WDR70: variants seen among roughly 807,000 people sequenced by gnomAD.
WDR70 encodes the protein WD repeat domain 70, also known as WD repeat-containing protein 70.
WDR70 carries 53 observed loss-of-function variants against 88.6 expected under a neutral mutation model. That is an observed-to-expected ratio of 0.60 (90% confidence interval 0.48 to 0.75). The LOEUF (loss-of-function observed/expected upper bound fraction) is 0.75. WDR70 is among the 30% of genes least tolerant of loss of function. WDR70 has a pLI of 0.00. For synonymous variants in WDR70, 280 were observed against 270.0 expected, an observed-to-expected ratio of 1.04 and a Z score of -0.36; for missense variants, 610 against 823.2, an observed-to-expected ratio of 0.74 and a Z score of 3.17.
chr5:37,658,788 A>G (rs1745624153), intron 10 of WDR70, among the ~76,000 whole-genome samples: 1 of 152,194 alleles, frequency 6.6e-6, no homozygotes, highest in Non-Finnish European at 1.5e-5. Context: ...CAGATTTTTG[A>G]CAAGAATGAT....
At chr5:37,386,474 G>T (rs911468440) in intron 3 of WDR70, among the ~76,000 whole-genome samples, 1 of 152,012 alleles carries the variant, frequency 6.6e-6, no homozygotes, top group African/African-American at 2.4e-5. Context: ...TTATAGGCAC[G>T]TGCCACCACC....
intron 10 of WDR70, among the ~76,000 whole-genome samples, chr5:37,613,284 C>A (rs1446964395): frequency 1.3e-5 from 2 of 152,142 alleles, no homozygotes; most frequent in African/African-American, 4.8e-5. Flanking sequence ...ATGCTTCCTC[C>A]TGAAACCTCA....
intron 3 of WDR70, among the ~76,000 whole-genome samples, chr5:37,389,007 C>T (rs1256002618): frequency 6.6e-6 from 1 of 151,580 alleles, no homozygotes; most frequent in African/African-American, 2.4e-5. Context: ...GCCTAGAGTA[C>T]AAATGCTGCT....
intron 10 of WDR70, among the ~76,000 whole-genome samples, chr5:37,639,518 CT>C (rs1429375277): frequency 2.0e-5 from 3 of 151,962 alleles, no homozygotes; most frequent in African/African-American, 7.3e-5. Flanking sequence ...ATCTTAATTC[CT>C]TTGTTGTTGT....
chr5:37,563,264 C>T (rs1452331823), intron 9 of WDR70, among the ~76,000 whole-genome samples: 5 of 64,558 alleles, frequency 7.7e-5, no homozygotes, highest in African/African-American at 2.4e-4. Flanking sequence ...GCAGAGGCGC[C>T]CCTCACTTTC....
At chr5:37,570,118 C>T (rs1423324766) in intron 9 of WDR70, among the ~76,000 whole-genome samples, 3 of 151,908 alleles carry the variant, frequency 2.0e-5, no homozygotes, top group South Asian at 2.1e-4. Context: ...ATACTAGAGG[C>T]GATGGGACCA....
At chr5:37,520,675 T>A (rs1370678574) in intron 9 of WDR70, among the ~76,000 whole-genome samples, 1 of 152,226 alleles carries the variant, frequency 6.6e-6, no homozygotes, top group Non-Finnish European at 1.5e-5. Flanking sequence ...AATGAAAGGT[T>A]AAAATCATGT....
At chr5:37,466,218 T>C (rs543578055) in intron 7 of WDR70, among the ~76,000 whole-genome samples, 43 of 152,284 alleles carry the variant, frequency 2.8e-4, no homozygotes, top group African/African-American at 9.4e-4. Flanking sequence ...ATAGCTTTCA[T>C]TAGGTTTTCT....
intron 9 of WDR70, among the ~76,000 whole-genome samples, chr5:37,521,178 A>C (rs1303647609): frequency 2.6e-5 from 4 of 152,368 alleles, no homozygotes; most frequent in African/African-American, 9.6e-5. Context: ...TTTAACTTTT[A>C]TGAGCACTAC....
chr5:37,388,393 G>T (rs1269109821), intron 3 of WDR70, among the ~76,000 whole-genome samples: 2 of 149,966 alleles, frequency 1.3e-5, no homozygotes, highest in Non-Finnish European at 3.0e-5. Context: ...TGGGATTACA[G>T]GCGTGAGCCA....
intron 8 of WDR70, among the ~76,000 whole-genome samples, chr5:37,496,106 T>C (rs996027566): frequency 6.6e-6 from 1 of 152,230 alleles, no homozygotes; most frequent in Non-Finnish European, 1.5e-5. Flanking sequence ...ATCAGCACTC[T>C]GTGTCTAACT....
intron 8 of WDR70, among the ~76,000 whole-genome samples, chr5:37,503,558 T>G (rs1442918244): frequency 6.6e-6 from 1 of 152,228 alleles, no homozygotes; most frequent in Non-Finnish European, 1.5e-5. Context: ...CTAAGGATAA[T>G]GGCCTCCAGC....
chr5:37,751,790 G>A (rs1327447809), intron 17 of WDR70, among the ~76,000 whole-genome samples: 1 of 152,192 alleles, frequency 6.6e-6, no homozygotes, highest in Non-Finnish European at 1.5e-5. Flanking sequence ...TCTTATGTGA[G>A]TAGTGTGAAA....
At position 37,612,562 on chromosome 5, in the gene WDR70, C is replaced by T. The variant is rs76690845; in HGVS notation, c.1092+7324C>T. On this transcript the variant is annotated intron_variant, in intron 10 of 17. Transcript: ENST00000265107. ...CAGGTTCTTAATAACTGCTGGTCTTCGTCTTTTTTCTTTTTAACTCCTAGG... is the reference window on the plus strand; with the variant it reads ...CAGGTTCTTAATAACTGCTGGTCTTTGTCTTTTTTCTTTTTAACTCCTAGG... Among the ~76,000 whole-genome samples the T allele has an allele frequency of 1.8e-3, 281 of 152,200 alleles. 1 individual carries two copies. The highest frequency in any genetic ancestry group is 6.5e-3 in the African/African-American group (268 of 41,544).
At chr5:37,480,634 A>G (rs1739634735) in intron 8 of WDR70, among the ~76,000 whole-genome samples, 1 of 152,172 alleles carries the variant, frequency 6.6e-6, no homozygotes, top group East Asian at 1.9e-4. Context: ...TGATTCAATT[A>G]TCTCCACCTG....
intron 10 of WDR70, among the ~76,000 whole-genome samples, chr5:37,637,117 G>A (rs1345338788): frequency 2.6e-5 from 4 of 151,992 alleles, no homozygotes; most frequent in African/African-American, 7.2e-5. Context: ...CGAAGTGGGC[G>A]TATCACTTGA....
At chr5:37,721,051 C>T in intron 13 of WDR70, 64 bp from the exon 14 acceptor site, 1 of 1,383,620 alleles carries the variant, frequency 7.2e-7, no homozygotes, top group South Asian at 1.2e-5. Flanking sequence ...CATCAAAGTA[C>T]CAGCAGGATT....
At chr5:37,557,931 C>CTCTTTTGAAAACTCTTCAAAAGAGTAA (rs1742345481) in intron 9 of WDR70, among the ~76,000 whole-genome samples, 1 of 149,388 alleles carries the variant, frequency 6.7e-6, no homozygotes, top group Middle Eastern at 3.4e-3. Context: ...CAAAAGAGTA[C>CTCTTTTGAAAACTCTTCAAAAGAGTAA]TCTTTTGAAT....
At chr5:37,602,584 C>G (rs4869533) in intron 9 of WDR70, among the ~76,000 whole-genome samples, 1 of 151,066 alleles carries the variant, frequency 6.6e-6, no homozygotes, top group Non-Finnish European at 1.5e-5. Flanking sequence ...GGAGATTGTG[C>G]CACTACACTC....
Sources: allele counts gnomAD v4.1 joint callset (sites outside exome capture counted in the v4.1 genomes callset), GRCh38; gene constraint gnomAD v4.1.1; transcripts MANE v1.5; gene names NCBI Gene and HGNC (gene_info 2026-07-23, HGNC 2026-07-21).